AKR1E2: variants seen among roughly 807,000 people sequenced by gnomAD.
AKR1E2 encodes the protein 1,5-anhydro-D-fructose reductase.
AKR1E2 carries 43 observed loss-of-function variants against 41.9 expected under a neutral mutation model. The ratio of observed to expected loss-of-function variants is 1.03; its 90% CI spans 0.80 to 1.32. AKR1E2 has a LOEUF of 1.32. Ranked by LOEUF, AKR1E2 falls within the 40% of genes most tolerant of loss-of-function variation. The probability of loss-of-function intolerance (pLI) is 0.00; values close to 1 mark genes in which losing one functional copy is unlikely to be tolerated. For missense variants in AKR1E2, 423 were observed against 396.5 expected (o/e 1.07, Z -0.57); for synonymous variants, 121 against 138.9 (o/e 0.87, Z 0.91).
At chr10:4,833,016 G>A (rs1242125491) in intron 2 of AKR1E2, among the ~76,000 whole-genome samples, 5 of 152,166 alleles carry the variant, frequency 3.3e-5, no homozygotes, top group South Asian at 2.1e-4. Context: ...CTGATTTTTC[G>A]TCATATCTTT....
upstream of AKR1E2, chr10:4,825,150 T>C: frequency 2.8e-6 from 1 of 359,600 alleles, no homozygotes; most frequent in South Asian, 2.0e-5. Flanking sequence ...GAGATGCAAG[T>C]TGGGTGGGAG....
chr10:4,835,726 TCA>T lies in AKR1E2; in HGVS notation c.379_380del (p.His127SerfsTer18). 6.2e-7 allele frequency: 1 copy of T among 1,614,194 alleles called. No individual in the cohort carries two copies. The highest frequency in any genetic ancestry group is 8.5e-7 in the Non-Finnish European group (1 of 1,180,036). ...MSCSELSFCL[S>X]HPRVQDLPLD... ...CTGCAGTGAACTTTCCTTCTGCCTC[TCA>T]CATCCTCGAGTGCAGGACTTGCCTC... On this transcript the variant is annotated frameshift_variant, in exon 4 of 10. Transcript: ENST00000298375. LOFTEE classifies it high-confidence loss of function.
chr10:4,846,018 GC>G, intron 8 of AKR1E2: 1 of 383,046 alleles, frequency 2.6e-6, no homozygotes, highest in Non-Finnish European at 5.2e-6. Context: ...GCCCCCTGTG[GC>G]CCCAGTGCCG....
chr10:4,851,493 C>G (rs184853168), downstream of AKR1E2, among the ~76,000 whole-genome samples: 2 of 152,316 alleles, frequency 1.3e-5, no homozygotes, highest in East Asian at 3.9e-4. Context: ...ACATGGAGAA[C>G]AAGGAAAACT....
chr10:4,839,808 G>A lies in AKR1E2; in HGVS notation c.662G>A (p.Arg221His), dbSNP rs778184151. Residue 221 changes from arginine (R) to histidine (H), a missense_variant, in exon 6 of 10, where the codon CGT becomes CAT. Arg to His is a conservative substitution (Grantham distance 29). Transcript: ENST00000298375. ...QSRDVSVTAY[R>H]PLGGSCEGVD... ...AGAGATGTGTCCGTGACTGCTTACC[G>A]TCCTCTTGGTGGCTCGTGGTAAGGA... 31 of 1,613,878 alleles carry A rather than the reference G, an allele frequency of 1.9e-5. No individual in the cohort carries two copies. The East Asian group carries it at 2.0e-4, about 10-fold the overall frequency.
At position 4,847,061 on chromosome 10, in the gene AKR1E2, G is replaced by A; in HGVS notation, c.838-87G>A. The A allele has an allele frequency of 4.9e-6, 7 of 1,443,132 alleles. No homozygotes were observed. In the South Asian group the frequency reaches 8.4e-5, roughly 17 times the overall value. 89.4% of individuals were successfully genotyped at this position (1,443,132 alleles called of 1,614,324 possible). On this transcript the variant is annotated intron_variant, in intron 8 of 9. Coordinates refer to ENST00000298375, the MANE Select transcript of AKR1E2 (RefSeq NM_001040177.3). ...TTTTACATCTTTGTGTCCCTTGCAG[G>A]TCTAGCACTGTGCTATGTAGGTAAC...
At chr10:4,866,794 T>G in the AKR1E2 span, among the ~76,000 whole-genome samples, 1 of 151,904 alleles carries the variant, frequency 6.6e-6, no homozygotes, top group Non-Finnish European at 1.5e-5. Context: ...TGCTGAGTAG[T>G]TAGAGATGAA....
chr10:4,839,077 C>T (rs1833667186), intron 5 of AKR1E2, among the ~76,000 whole-genome samples: 1 of 152,164 alleles, frequency 6.6e-6, no homozygotes, highest in Admixed American at 6.5e-5. Flanking sequence ...TTTTAAATCT[C>T]CTTATAACCT....
chr10:4,848,624 C>T (rs1232071341), downstream of AKR1E2, among the ~76,000 whole-genome samples: 1 of 152,224 alleles, frequency 6.6e-6, no homozygotes, highest in Non-Finnish European at 1.5e-5. Flanking sequence ...ACATCAGCCT[C>T]CAAACAAGCC....
In AKR1E2 at chr10:4,835,882, T is replaced by G. The variant is rs1833373933; in HGVS notation, c.459+73T>G. On this transcript the variant is annotated intron_variant, in intron 4 of 9. Coordinates refer to ENST00000298375, the MANE Select transcript of AKR1E2 (RefSeq NM_001040177.3). ...ACCCAGGATGCAGTGAGCCCTGAGCTGCTTGTGTTCAAAGACATCAAGGTT... is the reference window on the plus strand; with the variant it reads ...ACCCAGGATGCAGTGAGCCCTGAGCGGCTTGTGTTCAAAGACATCAAGGTT... 7.0e-6 allele frequency: 11 copies of G among 1,567,630 alleles called. No homozygotes were observed. In the Admixed American group the frequency reaches 1.4e-4, roughly 20 times the overall value.
chr10:4,858,009 T>C, the AKR1E2 span, among the ~76,000 whole-genome samples: 1 of 152,220 alleles, frequency 6.6e-6, no homozygotes, highest in East Asian at 1.9e-4. Flanking sequence ...CTTGTCTTTA[T>C]TATTTCCTTC....
At chr10:4,854,568 A>G in the AKR1E2 span, among the ~76,000 whole-genome samples, 1 of 152,046 alleles carries the variant, frequency 6.6e-6, no homozygotes, top group African/African-American at 2.4e-5. Context: ...CCCGACCCAG[A>G]GGCTAACTTT....
chr10:4,856,993 ACT>A, the AKR1E2 span, among the ~76,000 whole-genome samples: 1 of 151,424 alleles, frequency 6.6e-6, no homozygotes. Context: ...TTAAACAATA[ACT>A]CCCCATTCCC....
At chr10:4,862,893 C>G in the AKR1E2 span, among the ~76,000 whole-genome samples, 1 of 103,340 alleles carries the variant, frequency 9.7e-6, no homozygotes, top group East Asian at 3.2e-4. Flanking sequence ...ATAAAGGGAT[C>G]AATTCAACAA....
rs1833160586 is a variant in AKR1E2, at chr10:4,833,608, A to T, written c.324+142A>T. ...GCATCTGCCACATGCTAGCTGCGGC[A>T]TTTGGGCAGTCCTCTTGATATCTCT... On this transcript the variant is annotated intron_variant, in intron 3 of 9. Transcript: ENST00000298375. 5.5e-6 allele frequency: 4 copies of T among 729,970 alleles called. No homozygotes were observed. In the South Asian group the frequency reaches 6.9e-5, roughly 13 times the overall value. 45.2% of individuals were successfully genotyped at this position (729,970 alleles called of 1,614,324 possible). A position where few individuals can be genotyped will look rare whatever the true frequency, so the allele number is the denominator to read the frequency against.
the AKR1E2 span, among the ~76,000 whole-genome samples, chr10:4,857,840 A>C: frequency 6.6e-6 from 1 of 152,006 alleles, no homozygotes; most frequent in African/African-American, 2.4e-5. Context: ...GAGTTTTTAA[A>C]TTTCTGATTT....
upstream of AKR1E2, chr10:4,826,044 C>A (rs1832456692): frequency 5.2e-6 from 2 of 386,630 alleles, no homozygotes; most frequent in South Asian, 1.4e-4. Context: ...ATGTCCAGAG[C>A]GCGGTGCTTC....
At chr10:4,851,256 T>C (rs569300661), downstream of AKR1E2, among the ~76,000 whole-genome samples, 7 of 152,346 alleles carry the variant, frequency 4.6e-5, no homozygotes, top group Non-Finnish European at 1.0e-4. Flanking sequence ...CTTTTACGTA[T>C]CCATACACTG....
At position 4,830,821 on chromosome 10, in the gene AKR1E2, G is replaced by A. The variant is rs375769527; in HGVS notation, c.186G>A (p.Glu62=). Residue 62 remains glutamate (E), a synonymous_variant, in exon 2 of 10, where the codon GAG becomes GAA. Transcript: ENST00000298375. ...TCAAGGAAGGCGCTGTAAGACGGGA[G>A]GATCTGTTCATTGCCACTAAGGTAG... is the stretch of plus-strand genomic sequence containing the variant. The part of the protein sequence containing the change: ...CKIKEGAVRR[E]DLFIATKLWC... 2.5e-6 allele frequency: 4 copies of A among 1,614,140 alleles called. No homozygotes were observed. The highest frequency in any genetic ancestry group is 3.4e-6 in the Non-Finnish European group (4 of 1,180,006).
Sources: allele counts gnomAD v4.1 joint callset (sites outside exome capture counted in the v4.1 genomes callset), GRCh38; gene constraint gnomAD v4.1.1; transcripts MANE v1.5; gene names NCBI Gene and HGNC (gene_info 2026-07-23, HGNC 2026-07-21).